The following SLC25A20 variants were observed in gnomAD, a reference collection of about 807,000 sequenced individuals.
The protein encoded by SLC25A20 is mitochondrial carnitine/acylcarnitine carrier protein.
Under a neutral mutation model 39.7 loss-of-function variants are expected in SLC25A20, and 29 were observed. That is an observed-to-expected ratio of 0.73 (90% confidence interval 0.54 to 1.00). SLC25A20 has a LOEUF of 1.00. SLC25A20 is among the 50% of genes least tolerant of loss of function. SLC25A20 has a pLI of 0.00. For synonymous variants in SLC25A20, 103 were observed against 142.2 expected, an observed-to-expected ratio of 0.72 and a Z score of 1.96; for missense variants, 333 against 379.9, an observed-to-expected ratio of 0.88 and a Z score of 1.03.
chr3:48,859,456 G>A, intron 6 of SLC25A20, 99 bp downstream of exon 6: 1 of 1,040,408 alleles, frequency 9.6e-7, no homozygotes, highest in African/African-American at 1.6e-5. Context: ...CAGACATGGA[G>A]CCAGGAACAA....
intron 5 of SLC25A20, among the ~76,000 whole-genome samples, 159 bp downstream of exon 5, chr3:48,862,383 G>A (rs1411195944): frequency 6.6e-6 from 1 of 152,166 alleles, no homozygotes; most frequent in African/African-American, 2.4e-5. Flanking sequence ...CCTAATCTAC[G>A]TCCATGCTGG....
chr3:48,880,355 G>A (rs931300166), intron 3 of SLC25A20, among the ~76,000 whole-genome samples: 12 of 147,980 alleles, frequency 8.1e-5, no homozygotes, highest in African/African-American at 2.8e-4. Flanking sequence ...CGATCTCGGT[G>A]CAACCTCCAC....
chr3:48,893,012 A>G (rs963589392), intron 1 of SLC25A20, among the ~76,000 whole-genome samples: 9 of 151,446 alleles, frequency 5.9e-5, no homozygotes, highest in African/African-American at 1.9e-4. Context: ...TTCAATACTT[A>G]TTATCTTTAT....
At chr3:48,862,218 C>T (rs2083633814) in intron 5 of SLC25A20, among the ~76,000 whole-genome samples, 1 of 152,048 alleles carries the variant, frequency 6.6e-6, no homozygotes, top group African/African-American at 2.4e-5. Context: ...GGACATACTT[C>T]TCAAAACCAG....
intron 5 of SLC25A20, 82 bp downstream of exon 5, chr3:48,862,460 G>A: frequency 3.5e-6 from 3 of 848,256 alleles, no homozygotes; most frequent in South Asian, 2.7e-5. Context: ...GGCTAATCTG[G>A]CAATCCAGGC....
chr3:48,897,592 T>C (rs1288665532), intron 1 of SLC25A20, among the ~76,000 whole-genome samples: 1 of 151,990 alleles, frequency 6.6e-6, no homozygotes, highest in Non-Finnish European at 1.5e-5. Flanking sequence ...CCAGCTACTT[T>C]AACCCTGGTC....
chr3:48,891,991 G>T lies in SLC25A20; in HGVS notation c.187C>A (p.Leu63Ile). Reference sequence around the variant, plus strand: ...CACCATATACCAACCTCTCTAAAAAGAGTCTTCCGGAAACAGTCAAAGGTC... The same window carrying T: ...CACCATATACCAACCTCTCTAAAAATAGTCTTCCGGAAACAGTCAAAGGTC... ...SGTFDCFRKT[L>I]FREGITGLYR... The change falls in exon 2 of 9, where the codon CTT becomes ATT. Residue 63 changes from leucine (L) to isoleucine (I), a missense_variant. By Grantham distance (5) the Leu-to-Ile change is conservative (BLOSUM62 2). Transcript: ENST00000319017. The T allele has an allele frequency of 4.3e-6, 7 of 1,613,412 alleles. No homozygotes were observed. The highest frequency in any genetic ancestry group is 5.9e-6 in the Non-Finnish European group (7 of 1,179,436).
At chr3:48,891,947 G>C (rs2083880948) in intron 2 of SLC25A20, 33 bp downstream of exon 2, 1 of 1,506,558 alleles carries the variant, frequency 6.6e-7, no homozygotes, top group East Asian at 2.3e-5. Flanking sequence ...AATGTGTTCT[G>C]AGTAAGAGGA....
intron 2 of SLC25A20, among the ~76,000 whole-genome samples, chr3:48,890,855 C>T (rs2083868302): frequency 6.6e-6 from 1 of 151,450 alleles, no homozygotes; most frequent in African/African-American, 2.4e-5. Flanking sequence ...GGGGTTTCAC[C>T]GTGTTAGCCA....
At chr3:48,877,859 G>T (rs1288115897) in intron 4 of SLC25A20, among the ~76,000 whole-genome samples, 1 of 152,202 alleles carries the variant, frequency 6.6e-6, no homozygotes, top group African/African-American at 2.4e-5. Context: ...TGAAATGGTT[G>T]CTAATAAGGG....
chr3:48,859,691 C>A (rs2083608902), intron 5 of SLC25A20, 64 bp from the exon 6 acceptor site: 1 of 1,270,986 alleles, frequency 7.9e-7, no homozygotes, highest in Admixed American at 1.7e-5. Context: ...TGGTGGTACA[C>A]ACCTGTAATC....
intron 1 of SLC25A20, among the ~76,000 whole-genome samples, chr3:48,894,016 C>T (rs1279333739): frequency 6.6e-6 from 1 of 151,450 alleles, no homozygotes; most frequent in East Asian, 2.0e-4. Context: ...CAAAAATTAG[C>T]CAGGTGTGGT....
At chr3:48,868,629 C>T (rs1189185182) in intron 4 of SLC25A20, among the ~76,000 whole-genome samples, 2 of 151,950 alleles carry the variant, frequency 1.3e-5, no homozygotes, top group Non-Finnish European at 2.9e-5. Flanking sequence ...GCTGACAATC[C>T]AAAAATATCA....
intron 4 of SLC25A20, among the ~76,000 whole-genome samples, chr3:48,867,672 A>G (rs2083682373): frequency 1.3e-5 from 2 of 151,848 alleles, no homozygotes; most frequent in Non-Finnish European, 2.9e-5. Context: ...AAAAAAAACA[A>G]AAACAAATAA....
At chr3:48,873,640 TA>T (rs1220355543) in intron 4 of SLC25A20, among the ~76,000 whole-genome samples, 32 of 137,908 alleles carry the variant, frequency 2.3e-4, no homozygotes, top group African/African-American at 6.7e-4. Context: ...ATAAAACTTG[TA>T]AAAAAAAAAA....
chr3:48,897,050 T>G (rs1405977384), intron 1 of SLC25A20, among the ~76,000 whole-genome samples: 1 of 149,998 alleles, frequency 6.7e-6, no homozygotes, highest in African/African-American at 2.4e-5. Flanking sequence ...TTACACTATC[T>G]TGGACTTCTT....
chr3:48,858,858 G>C (rs185084537), intron 7 of SLC25A20, among the ~76,000 whole-genome samples: 1 of 152,340 alleles, frequency 6.6e-6, no homozygotes, highest in Admixed American at 6.5e-5. Flanking sequence ...TTCATGTGGG[G>C]GAGGAAGAGT....
At chr3:48,888,525 C>T (rs1038926429) in intron 2 of SLC25A20, among the ~76,000 whole-genome samples, 2 of 150,066 alleles carry the variant, frequency 1.3e-5, no homozygotes, top group Non-Finnish European at 3.0e-5. Context: ...ACCGAGATTG[C>T]GCCACTGCAC....
intron 2 of SLC25A20, among the ~76,000 whole-genome samples, chr3:48,889,534 G>A (rs1369933618): frequency 1.3e-5 from 2 of 151,874 alleles, no homozygotes; most frequent in African/African-American, 4.8e-5. Context: ...CTTCTGACAT[G>A]GATCCCTATC....
Sources: gnomAD v4.1 joint callset for allele counts (sites outside exome capture counted in the v4.1 genomes callset) on GRCh38, gnomAD v4.1.1 for gene constraint, MANE v1.5 for transcripts, NCBI Gene and HGNC (gene_info 2026-07-23, HGNC 2026-07-21) for gene names.